CTNNA2: variants seen among roughly 807,000 people sequenced by gnomAD.
The protein encoded by CTNNA2 is catenin alpha-2.
In CTNNA2, 42 loss-of-function variants were observed where a neutral mutation model predicts 101.0. That is an observed-to-expected ratio of 0.42 (90% CI 0.32 to 0.54). The LOEUF (loss-of-function observed/expected upper bound fraction) is 0.54. Ranked by LOEUF, CTNNA2 falls within the 20% of genes least tolerant of loss-of-function variation. CTNNA2 has a pLI of 0.14. For synonymous variants in CTNNA2, 450 were observed against 456.4 expected (o/e 0.99, Z 0.18); for missense variants, 871 against 1,223.1 (o/e 0.71, Z 4.29).
chr2:80,533,479 C>T (rs139404299), intron 9 of CTNNA2, among the ~76,000 whole-genome samples: 187 of 152,288 alleles, frequency 1.2e-3, no homozygotes, highest in Middle Eastern at 3.4e-3. Flanking sequence ...TGACTCCACA[C>T]TTCCACTTGT....
chr2:80,271,846 C>G (rs1673514968), intron 7 of CTNNA2, among the ~76,000 whole-genome samples: 1 of 152,162 alleles, frequency 6.6e-6, no homozygotes, highest in African/African-American at 2.4e-5. Context: ...GGAGAAAATT[C>G]CATATAAGGA....
chr2:79,236,690 T>C (rs927974378), intron 2 of CTNNA2, among the ~76,000 whole-genome samples: 10 of 152,232 alleles, frequency 6.6e-5, no homozygotes, highest in African/African-American at 2.4e-4. Context: ...AAATCTTCTG[T>C]TGTCATTTCA....
At chr2:79,846,491 G>A (rs192392052) in intron 3 of CTNNA2, among the ~76,000 whole-genome samples, 302 of 152,278 alleles carry the variant, frequency 2.0e-3, no homozygotes, top group African/African-American at 7.1e-3. Flanking sequence ...TGGAGATGCC[G>A]TAATGACTTA....
At chr2:79,858,716 A>G (rs1177801405) in intron 4 of CTNNA2, among the ~76,000 whole-genome samples, 1 of 152,108 alleles carries the variant, frequency 6.6e-6, no homozygotes, top group South Asian at 2.1e-4. Context: ...GCTAAAGTCA[A>G]TCTTGTTTCA....
Position 79,976,648 on chromosome 2 carries a change from A to G in CTNNA2, c.1056+66851A>G, listed in dbSNP as rs150075783. Among the ~76,000 whole-genome samples, 24 of 152,330 alleles carry G rather than the reference A, an allele frequency of 1.6e-4. No homozygotes were observed. In the East Asian group the frequency reaches 3.7e-3, roughly 23 times the overall value. On this transcript the variant is annotated intron_variant, in intron 7 of 18. Transcript: ENST00000402739. The stretch of plus-strand genomic sequence containing the variant: ...CATTACGATTACATTTTAACCTCAC[A>G]GTGACCTGAAAGGTATATTGTCCCA...
chr2:79,578,280 T>C (rs1204346844), intron 1 of CTNNA2, among the ~76,000 whole-genome samples: 1 of 152,194 alleles, frequency 6.6e-6, no homozygotes, highest in African/African-American at 2.4e-5. Context: ...ATTTTCAAGA[T>C]AATATCCCTT....
chr2:79,562,906 T>C (rs1674869937), intron 1 of CTNNA2, among the ~76,000 whole-genome samples: 1 of 151,936 alleles, frequency 6.6e-6, no homozygotes. Context: ...TGTCTGTGTG[T>C]GACAGAGATA....
chr2:79,260,332 T>C (rs1293202938), intron 2 of CTNNA2, among the ~76,000 whole-genome samples: 3 of 152,152 alleles, frequency 2.0e-5, no homozygotes, highest in Non-Finnish European at 4.4e-5. Context: ...CCACAACACA[T>C]GAGCATTTGT....
chr2:80,498,584 G>A (rs1257429628), intron 9 of CTNNA2, among the ~76,000 whole-genome samples: 1 of 152,136 alleles, frequency 6.6e-6, no homozygotes, highest in Non-Finnish European at 1.5e-5. Flanking sequence ...CTTAGGGGAA[G>A]AAGAAAAGAT....
At chr2:79,463,578 A>G (rs1670901990) in intron 4 of CTNNA2, among the ~76,000 whole-genome samples, 1 of 152,130 alleles carries the variant, frequency 6.6e-6, no homozygotes, top group African/African-American at 2.4e-5. Context: ...ATATAATCTT[A>G]AGTGAGCAGG....
In CTNNA2 at chr2:80,469,090, G is replaced by A. The variant is rs139636391; in HGVS notation, c.1290+49489G>A. On this transcript the variant is annotated intron_variant, in intron 9 of 18. Coordinates refer to ENST00000402739, the MANE Select transcript of CTNNA2 (RefSeq NM_001282597.3). ...GCTGTTTGTGTGGTGGTGGTGTGAC[G>A]GCTTATAGGGGTCTTACTGTGGCAC... 9.9e-5 allele frequency among the ~76,000 whole-genome samples: 15 copies of A among 152,156 alleles called. No homozygotes were observed. In the East Asian group the frequency reaches 2.3e-3, roughly 24 times the overall value.
At chr2:79,687,704 G>C (rs774598823) in intron 2 of CTNNA2, 1 of 501,122 alleles carries the variant, frequency 2.0e-6, no homozygotes, top group Non-Finnish European at 3.6e-6. Flanking sequence ...AAATATAAAA[G>C]CATCTTTTGA....
At chr2:80,166,897 C>G (rs1230107064) in intron 7 of CTNNA2, among the ~76,000 whole-genome samples, 1 of 151,822 alleles carries the variant, frequency 6.6e-6, no homozygotes, top group Non-Finnish European at 1.5e-5. Context: ...GTTTGTTTTT[C>G]TTTTAGGTTG....
At chr2:79,707,863 C>T (rs966185973) in intron 2 of CTNNA2, among the ~76,000 whole-genome samples, 1 of 152,116 alleles carries the variant, frequency 6.6e-6, no homozygotes. Flanking sequence ...GGGGATAGCT[C>T]CTTACATTGT....
At chr2:79,964,755 C>A (rs1167885727) in intron 7 of CTNNA2, among the ~76,000 whole-genome samples, 31 of 152,274 alleles carry the variant, frequency 2.0e-4, no homozygotes. Flanking sequence ...ATGGTGCCAA[C>A]CCTCATTCTT....
At chr2:80,383,987 A>G (rs1262219554) in intron 7 of CTNNA2, among the ~76,000 whole-genome samples, 1 of 152,186 alleles carries the variant, frequency 6.6e-6, no homozygotes, top group African/African-American at 2.4e-5. Context: ...ATGCAGCCAC[A>G]AAAAAGAACA....
In CTNNA2 at chr2:80,389,196, AC is replaced by A. The variant is rs150933332; in HGVS notation, c.1057-4012del. ...CCACATCAAAAATACTTTCCTAATT[AC>A]CCTGAATAGTCTAAATGTCTTTTAT... On this transcript the variant is annotated intron_variant, in intron 7 of 18. Transcript: ENST00000402739. Among the ~76,000 whole-genome samples the A allele has an allele frequency of 4.2e-3, 639 of 152,218 alleles. 5 individuals carry two copies. Among genetic ancestry groups the A allele is most frequent in the African/African-American group, 0.015 (614 of 41,526 alleles).
chr2:80,006,616 C>T (rs969542239), intron 7 of CTNNA2, among the ~76,000 whole-genome samples: 9 of 152,084 alleles, frequency 5.9e-5, no homozygotes, highest in Admixed American at 4.6e-4. Flanking sequence ...TGCTTCAGCC[C>T]GTGCAAATTT....
chr2:79,461,627 T>C (rs1304032284), intron 4 of CTNNA2, among the ~76,000 whole-genome samples: 1 of 152,034 alleles, frequency 6.6e-6, no homozygotes, highest in Non-Finnish European at 1.5e-5. Flanking sequence ...CCAGGCCATA[T>C]CTGAATGATT....
Sources: gnomAD v4.1 joint callset for allele counts (sites outside exome capture counted in the v4.1 genomes callset) on GRCh38, gnomAD v4.1.1 for gene constraint, MANE v1.5 for transcripts, NCBI Gene and HGNC (gene_info 2026-07-23, HGNC 2026-07-21) for gene names.